The following DENND4C variants were observed in gnomAD, a reference collection of about 807,000 sequenced individuals.
DENND4C encodes DENN domain-containing protein 4C.
DENND4C carries 108 observed loss-of-function variants against 203.0 expected under a neutral mutation model. That is an observed-to-expected ratio of 0.53 (90% CI 0.46 to 0.62). The LOEUF (loss-of-function observed/expected upper bound fraction) is 0.62. Ranked by LOEUF, DENND4C falls within the 20% of genes least tolerant of loss-of-function variation. The pLI is 0.00. For missense variants in DENND4C, 2,481 were observed against 2,301.2 expected, an observed-to-expected ratio of 1.08 and a Z score of -1.60; for synonymous variants, 871 against 792.4, an observed-to-expected ratio of 1.10 and a Z score of -1.67.
Position 19,247,269 on chromosome 9 carries a change from C to T in DENND4C, c.-18+16436C>T, listed in dbSNP as rs570018179. On this transcript the variant is annotated intron_variant, in intron 1 of 32. Coordinates refer to ENST00000434457, the MANE Select transcript of DENND4C (RefSeq NM_001330640.2). Reference sequence around the variant, plus strand: ...TTTGTAACTTTTCTTTATCAGTATTCGTCAGTTAGTATTTGACAATTCTTT... The same window carrying T: ...TTTGTAACTTTTCTTTATCAGTATTTGTCAGTTAGTATTTGACAATTCTTT... Among the ~76,000 whole-genome samples the T allele has an allele frequency of 8.1e-4, 123 of 152,110 alleles. 1 individual carries two copies. The highest frequency in any genetic ancestry group is 1.5e-3 in the Non-Finnish European group (100 of 68,022).
At chr9:19,245,386 G>T (rs941203878) in intron 1 of DENND4C, among the ~76,000 whole-genome samples, 18 of 150,930 alleles carry the variant, frequency 1.2e-4, no homozygotes, top group African/African-American at 4.1e-4. Flanking sequence ...AGAATGGTGT[G>T]AACCCGGGAG....
intron 2 of DENND4C, among the ~76,000 whole-genome samples, chr9:19,280,083 T>A (rs1439735061): frequency 1.3e-5 from 2 of 151,978 alleles, no homozygotes; most frequent in African/African-American, 4.8e-5. Context: ...TGGATTAGCT[T>A]TTATTTGAAG....
intron 30 of DENND4C, among the ~76,000 whole-genome samples, chr9:19,365,496 T>G (rs1273997635): frequency 6.6e-6 from 1 of 152,210 alleles, no homozygotes; most frequent in African/African-American, 2.4e-5. Flanking sequence ...TGCCCACTTT[T>G]GCCATTTTTA....
At chr9:19,325,874 G>T in intron 13 of DENND4C, 65 bp from the exon 14 acceptor site, 1 of 1,481,588 alleles carries the variant, frequency 6.7e-7, no homozygotes, top group African/African-American at 1.4e-5. Flanking sequence ...CAGAATGTAA[G>T]ATAAAAATGT....
At chr9:19,370,097 C>G in intron 31 of DENND4C, 110 bp downstream of exon 31, 2 of 1,266,770 alleles carry the variant, frequency 1.6e-6, no homozygotes, top group Non-Finnish European at 2.3e-6. Context: ...ATACTCATTG[C>G]AAAACATCTA....
intron 2 of DENND4C, among the ~76,000 whole-genome samples, chr9:19,283,270 G>A (rs936280564): frequency 1.3e-5 from 2 of 151,814 alleles, no homozygotes; most frequent in African/African-American, 2.4e-5. Context: ...GCCTTCCATC[G>A]CCACATCTTG....
Position 19,373,951 on chromosome 9 carries a change from CAG to C in DENND4C, c.*1780_*1781del, listed in dbSNP as rs919933045. Reference sequence around the variant, plus strand: ...GAAAATGCTAAATGAAACAATTTGTCAGAAATTATGTACAATTTTCATTACCT... The same window carrying C: ...GAAAATGCTAAATGAAACAATTTGTCAAATTATGTACAATTTTCATTACCT... On this transcript the variant is annotated 3_prime_UTR_variant, in exon 33 of 33. Transcript: ENST00000434457. Among the ~76,000 whole-genome samples the C allele has an allele frequency of 2.0e-5, 3 of 152,080 alleles. No individual in the cohort carries two copies. The highest frequency in any genetic ancestry group is 7.2e-5 in the African/African-American group (3 of 41,404).
chr9:19,242,920 C>T (rs1406906470), intron 1 of DENND4C, among the ~76,000 whole-genome samples: 1 of 152,158 alleles, frequency 6.6e-6, no homozygotes, highest in East Asian at 1.9e-4. Context: ...TCCCAAAGTG[C>T]TGGGATTACA....
chr9:19,252,563 CAGAG>C (rs1305658375), intron 1 of DENND4C, among the ~76,000 whole-genome samples: 1 of 152,134 alleles, frequency 6.6e-6, no homozygotes, highest in Admixed American at 6.6e-5. Context: ...GCCTGAGTGA[CAGAG>C]TGAGATCCTG....
At chr9:19,241,740 T>C (rs552669527) in intron 1 of DENND4C, among the ~76,000 whole-genome samples, 126 of 151,868 alleles carry the variant, frequency 8.3e-4, no homozygotes, top group African/African-American at 2.9e-3. Context: ...AAAACATAAG[T>C]AGAACGGTGA....
chr9:19,302,020 T>G (rs886323488), intron 9 of DENND4C, among the ~76,000 whole-genome samples: 1 of 152,204 alleles, frequency 6.6e-6, no homozygotes, highest in South Asian at 2.1e-4. Flanking sequence ...TGGCCAAGTC[T>G]TTTGATGGAT....
intron 20 of DENND4C, among the ~76,000 whole-genome samples, chr9:19,337,978 C>G (rs1820850971): frequency 6.6e-6 from 1 of 152,146 alleles, no homozygotes; most frequent in Non-Finnish European, 1.5e-5. Flanking sequence ...TTAATTGTTT[C>G]AGCTGTTAAG....
At chr9:19,279,822 C>T (rs554507478) in intron 2 of DENND4C, among the ~76,000 whole-genome samples, 2 of 152,038 alleles carry the variant, frequency 1.3e-5, no homozygotes, top group African/African-American at 4.8e-5. Context: ...GGCAACAGAG[C>T]AAAAGACCCT....
At chr9:19,242,063 A>G (rs1346915483) in intron 1 of DENND4C, among the ~76,000 whole-genome samples, 1 of 152,098 alleles carries the variant, frequency 6.6e-6, no homozygotes, top group East Asian at 1.9e-4. Flanking sequence ...AGATTATTCT[A>G]TTTCAGCTCT....
At chr9:19,266,056 G>C (rs1427085088) in intron 1 of DENND4C, among the ~76,000 whole-genome samples, 1 of 152,158 alleles carries the variant, frequency 6.6e-6, no homozygotes, top group Non-Finnish European at 1.5e-5. Context: ...GGTTGAACTA[G>C]TTTACAGTCC....
rs1220106992 is a variant in DENND4C, at chr9:19,352,419, A to G, written c.4606-71A>G. The G allele has an allele frequency of 4.9e-6, 7 of 1,417,626 alleles. No individual in the cohort carries two copies. The Middle Eastern group carries it at 5.7e-4, about 115-fold the overall frequency. The allele number at this position is 1,417,626 out of a possible 1,614,324, so 87.8% of individuals were successfully genotyped here. ...TCAGTAGAATAAAAAAAATCCCATT[A>G]TCTCAAGAGAATTCCTGTTAAGATT... On this transcript the variant is annotated intron_variant, in intron 25 of 32. Transcript: ENST00000434457.
At chr9:19,361,399 T>G (rs2132221979) in intron 29 of DENND4C, among the ~76,000 whole-genome samples, 1 of 152,336 alleles carries the variant, frequency 6.6e-6, no homozygotes, top group South Asian at 2.1e-4. Context: ...TTAGAGACAG[T>G]GAGCTCCTAG....
At chr9:19,244,939 A>G (rs925855278) in intron 1 of DENND4C, among the ~76,000 whole-genome samples, 6 of 152,192 alleles carry the variant, frequency 3.9e-5, no homozygotes, top group Non-Finnish European at 5.9e-5. Context: ...TACTTTGAGC[A>G]CAGCTCATGT....
rs1359712735 is a variant in DENND4C, at chr9:19,356,970, A to G, written c.4782-2A>G. 2 of 1,613,064 alleles carry G rather than the reference A, an allele frequency of 1.2e-6. No individual in the cohort carries two copies. The highest frequency in any genetic ancestry group is 1.7e-6 in the Non-Finnish European group (2 of 1,179,544). ...TCTTTTTCCCCCCTTTTCCTTATGT[A>G]GCTTTTTCCTGAAACCAAGTACCTC... is the stretch of plus-strand genomic sequence containing the variant. On this transcript the variant is annotated splice_acceptor_variant, in intron 26 of 32. Transcript: ENST00000434457. LOFTEE classifies it high-confidence loss of function.
Sources: gnomAD v4.1 joint callset for allele counts (sites outside exome capture counted in the v4.1 genomes callset) on GRCh38, gnomAD v4.1.1 for gene constraint, MANE v1.5 for transcripts, NCBI Gene and HGNC (gene_info 2026-07-23, HGNC 2026-07-21) for gene names.